KLHDC4: variants seen among roughly 807,000 people sequenced by gnomAD.
KLHDC4 encodes the protein kelch domain-containing protein 4.
A neutral mutation model predicts 62.4 loss-of-function variants in KLHDC4; 90 were observed. The observed-to-expected ratio is 1.44, with a 90% CI of 1.22 to 1.72. The LOEUF (loss-of-function observed/expected upper bound fraction) is 1.72, where lower values mean the gene tolerates loss of function less well. Ranked by LOEUF, KLHDC4 falls within the 40% of genes most tolerant of loss-of-function variation. The probability of loss-of-function intolerance (pLI) is 0.00; values close to 1 mark genes in which losing one functional copy is unlikely to be tolerated. For missense variants in KLHDC4, 1,025 were observed against 699.7 expected (o/e 1.47, Z -5.25); for synonymous variants, 386 against 284.4 (o/e 1.36, Z -3.59).
chr16:87,709,171 T>A (rs2035268737), intron 10 of KLHDC4, 94 bp downstream of exon 10: 1 of 1,485,070 alleles, frequency 6.7e-7, no homozygotes, highest in African/African-American at 1.4e-5. Flanking sequence ...ACAGGCCGCC[T>A]CTGGGCAGCT....
chr16:87,764,260 A>T (rs1271299940), intron 1 of KLHDC4, among the ~76,000 whole-genome samples: 3 of 152,092 alleles, frequency 2.0e-5, no homozygotes, highest in Non-Finnish European at 4.4e-5. Flanking sequence ...TAACATACAA[A>T]CCCCAGGCCT....
In KLHDC4 at chr16:87,724,419, G is replaced by T. The variant is rs577544719; in HGVS notation, c.759+2346C>A. Among the ~76,000 whole-genome samples, 24 of 152,292 alleles carry T rather than the reference G, an allele frequency of 1.6e-4. No homozygotes were observed. The South Asian group carries it at 4.6e-3, about 29-fold the overall frequency. On this transcript the variant is annotated intron_variant, in intron 7 of 11. Transcript: ENST00000270583. ...CTTCTCATCAACAAACACTTCGGAAGGTGACCAGCCAAGCCACTACTGGGA... is the reference window on the plus strand; with the variant it reads ...CTTCTCATCAACAAACACTTCGGAATGTGACCAGCCAAGCCACTACTGGGA...
intron 5 of KLHDC4, among the ~76,000 whole-genome samples, chr16:87,747,086 C>G (rs1018550947): frequency 2.6e-5 from 4 of 152,220 alleles, no homozygotes; most frequent in Non-Finnish European, 2.9e-5. Flanking sequence ...TCCCTTGGAA[C>G]AGATACCCAC....
intron 7 of KLHDC4, among the ~76,000 whole-genome samples, chr16:87,726,170 T>TCCCACGCCGCAACTCACCCGTCTC (rs1344151741): frequency 6.7e-6 from 1 of 149,780 alleles, no homozygotes; most frequent in Non-Finnish European, 1.5e-5. Context: ...GCGCCTATTT[T>TCCCACGCCGCAACTCACCCGTCTC]CCCACGCCGC....
intron 8 of KLHDC4, among the ~76,000 whole-genome samples, chr16:87,713,424 T>C (rs12599510): frequency 0.057 from 8,656 of 150,834 alleles, 325 homozygotes; most frequent in South Asian, 0.17. Flanking sequence ...TTTCAAACTC[T>C]TGGCCTCAAG....
intron 1 of KLHDC4, among the ~76,000 whole-genome samples, chr16:87,763,964 G>C (rs570956556): frequency 2.0e-5 from 3 of 152,312 alleles, no homozygotes; most frequent in African/African-American, 7.2e-5. Flanking sequence ...AAGACACTGT[G>C]GCTGGAGTGA....
chr16:87,708,968 G>A (rs989985121), intron 10 of KLHDC4, among the ~76,000 whole-genome samples: 3 of 152,240 alleles, frequency 2.0e-5, no homozygotes, highest in East Asian at 1.9e-4. Flanking sequence ...CGGCTCGGAC[G>A]GCCATCCACA....
chr16:87,748,544 T>C, intron 5 of KLHDC4, 129 bp downstream of exon 5: 1 of 1,199,622 alleles, frequency 8.3e-7, no homozygotes, highest in Non-Finnish European at 1.2e-6. Context: ...CCAGCGAGGC[T>C]GGGCTCCAGG....
At chr16:87,717,386 G>GA (rs947236667) in intron 7 of KLHDC4, among the ~76,000 whole-genome samples, 6 of 151,832 alleles carry the variant, frequency 4.0e-5, no homozygotes, top group South Asian at 2.1e-4. Context: ...TACTATAATG[G>GA]AAAAAAAACA....
chr16:87,704,640 C>A (rs956683288), downstream of KLHDC4, among the ~76,000 whole-genome samples: 2 of 152,058 alleles, frequency 1.3e-5, no homozygotes, highest in African/African-American at 4.8e-5. Context: ...CTCTCACCAA[C>A]GGGCATCTTG....
chr16:87,717,307 G>A (rs971049512), intron 7 of KLHDC4, among the ~76,000 whole-genome samples: 13 of 152,214 alleles, frequency 8.5e-5, no homozygotes, highest in Admixed American at 5.9e-4. Context: ...TTTCTAGGCC[G>A]TCCCATCTGG....
In KLHDC4 at chr16:87,754,797, C is replaced by T. The variant is rs538999150; in HGVS notation, c.369+397G>A. On this transcript the variant is annotated intron_variant, in intron 4 of 11. Transcript: ENST00000270583. ...AAGTCAGTGCCACTTCTCTGTGATC[C>T]GGTTACCACTCGTTTCCGCTAATAC... is the stretch of plus-strand genomic sequence containing the variant. Among the ~76,000 whole-genome samples the T allele has an allele frequency of 2.4e-4, 37 of 152,308 alleles. No homozygotes were observed. The South Asian group carries it at 4.4e-3, about 18-fold the overall frequency.
intron 8 of KLHDC4, among the ~76,000 whole-genome samples, chr16:87,712,697 G>A (rs2036143167): frequency 6.6e-6 from 1 of 152,272 alleles, no homozygotes; most frequent in Non-Finnish European, 1.5e-5. Flanking sequence ...AGGCAAATGG[G>A]TGTGGACTCA....
At chr16:87,726,155 C>G (rs1006611231) in intron 7 of KLHDC4, among the ~76,000 whole-genome samples, 5 of 151,992 alleles carry the variant, frequency 3.3e-5, no homozygotes, top group Non-Finnish European at 5.9e-5. Context: ...AGACCACAGA[C>G]AGCAGCGCCT....
intron 8 of KLHDC4, among the ~76,000 whole-genome samples, chr16:87,713,533 T>C (rs2036303793): frequency 1.3e-5 from 2 of 152,212 alleles, no homozygotes; most frequent in Non-Finnish European, 2.9e-5. Flanking sequence ...ATCAAGAAAT[T>C]AATGATTGAA....
intron 7 of KLHDC4, among the ~76,000 whole-genome samples, chr16:87,723,525 C>T (rs568280720): frequency 1.3e-5 from 2 of 152,400 alleles, no homozygotes; most frequent in East Asian, 3.9e-4. Context: ...GCCTGGCTTT[C>T]AGCCAAGTCA....
At chr16:87,728,246 C>T (rs1193556664) in intron 6 of KLHDC4, among the ~76,000 whole-genome samples, 1 of 152,192 alleles carries the variant, frequency 6.6e-6, no homozygotes, top group Non-Finnish European at 1.5e-5. Context: ...TGACCACATC[C>T]TTCGCAGGAC....
chr16:87,764,620 C>G (rs190224268), intron 1 of KLHDC4, among the ~76,000 whole-genome samples: 134 of 136,832 alleles, frequency 9.8e-4, no homozygotes, highest in South Asian at 4.0e-3. Context: ...TGCACTCCAC[C>G]CTGGGCAACA....
At chr16:87,755,153 T>C in intron 4 of KLHDC4, 41 bp downstream of exon 4, 1 of 1,368,048 alleles carries the variant, frequency 7.3e-7, no homozygotes, top group African/African-American at 1.4e-5. Context: ...GACTCCCACG[T>C]GGGAAGAGGG....
Sources: allele counts gnomAD v4.1 joint callset (sites outside exome capture counted in the v4.1 genomes callset), GRCh38; gene constraint gnomAD v4.1.1; transcripts MANE v1.5; gene names NCBI Gene and HGNC (gene_info 2026-07-23, HGNC 2026-07-21).